EML6: variants seen among roughly 807,000 people sequenced by gnomAD.
EML6 encodes the protein EMAP like 6.
In EML6, 154 loss-of-function variants were observed where a neutral mutation model predicts 240.1. The ratio of observed to expected loss-of-function variants is 0.64; its 90% CI spans 0.56 to 0.73. The LOEUF (loss-of-function observed/expected upper bound fraction) is 0.73. Ranked by LOEUF, EML6 falls within the 30% of genes least tolerant of loss-of-function variation. The pLI is 0.00. For synonymous variants in EML6, 1,148 were observed against 899.0 expected, an observed-to-expected ratio of 1.28 and a Z score of -4.95; for missense variants, 2,964 against 2,474.6, an observed-to-expected ratio of 1.20 and a Z score of -4.20.
At chr2:54,762,766 G>A (rs1020729045) in intron 2 of EML6, among the ~76,000 whole-genome samples, 7 of 152,066 alleles carry the variant, frequency 4.6e-5, no homozygotes, top group African/African-American at 1.7e-4. Flanking sequence ...AGCTGTTCCA[G>A]GTCCATTTTG....
intron 2 of EML6, among the ~76,000 whole-genome samples, chr2:54,776,136 G>T (rs943108578): frequency 2.0e-5 from 3 of 152,034 alleles, no homozygotes; most frequent in African/African-American, 7.2e-5. Context: ...TGTTGTTGTT[G>T]TTGTGTTTTG....
chr2:54,897,882 T>C (rs1023423392), intron 21 of EML6, among the ~76,000 whole-genome samples: 1 of 152,124 alleles, frequency 6.6e-6, no homozygotes, highest in African/African-American at 2.4e-5. Flanking sequence ...AGTCCTGTTC[T>C]GAGAGATGAT....
At chr2:54,961,634 C>T (rs1676520669) in intron 35 of EML6, among the ~76,000 whole-genome samples, 1 of 152,034 alleles carries the variant, frequency 6.6e-6, no homozygotes, top group African/African-American at 2.4e-5. Context: ...AAGCTCTCAC[C>T]TGAGGTAGCT....
intron 28 of EML6, among the ~76,000 whole-genome samples, 198 bp downstream of exon 28, chr2:54,928,949 A>G (rs954589263): frequency 5.3e-5 from 8 of 152,216 alleles, no homozygotes; most frequent in Admixed American, 1.3e-4. Flanking sequence ...AGGGCGGTTT[A>G]TACTTTGTGG....
intron 7 of EML6, among the ~76,000 whole-genome samples, chr2:54,835,247 T>G (rs1004592471): frequency 6.6e-6 from 1 of 152,232 alleles, no homozygotes; most frequent in African/African-American, 2.4e-5. Context: ...GTATAATTTC[T>G]GTGTTATGTT....
At chr2:54,829,808 C>G (rs6545445) in intron 7 of EML6, among the ~76,000 whole-genome samples, 34,496 of 152,014 alleles carry the variant, frequency 0.23, 4,357 homozygotes, top group East Asian at 0.5. Context: ...TGAAAACAAA[C>G]AAATGAGAGG....
At chr2:54,934,452 C>T (rs1341509767) in intron 28 of EML6, among the ~76,000 whole-genome samples, 1 of 152,120 alleles carries the variant, frequency 6.6e-6, no homozygotes, top group African/African-American at 2.4e-5. Context: ...AGGAGACCCA[C>T]ATTTCAGGTC....
In EML6 at chr2:54,803,861, T is replaced by C. The variant is rs141370392; in HGVS notation, c.198-9371T>C. On this transcript the variant is annotated intron_variant, in intron 2 of 41. Coordinates refer to ENST00000356458, the MANE Select transcript of EML6 (RefSeq NM_001039753.4). ...AAATACAGCTGGTCACCTCTCCCTGTGGTGCTGACTCTCCACTCACGGACC... is the reference window on the plus strand; with the variant it reads ...AAATACAGCTGGTCACCTCTCCCTGCGGTGCTGACTCTCCACTCACGGACC... Among the ~76,000 whole-genome samples the C allele has an allele frequency of 6.8e-3, 1,035 of 152,316 alleles. 12 individuals are homozygous for C. Among genetic ancestry groups the C allele is most frequent in the African/African-American group, 0.023 (966 of 41,562 alleles).
chr2:54,903,603 GA>G, intron 24 of EML6, 101 bp downstream of exon 24: 2 of 712,024 alleles, frequency 2.8e-6, no homozygotes, highest in Non-Finnish European at 4.1e-6. Flanking sequence ...TTAGAAATGG[GA>G]AAGGGGAATC....
chr2:54,928,223 C>A (rs918781962), intron 26 of EML6, 90 bp from the exon 27 acceptor site: 3 of 1,018,310 alleles, frequency 2.9e-6, no homozygotes, highest in Non-Finnish European at 4.5e-6. Flanking sequence ...GAACTGTTTC[C>A]TTTGTATCCA....
intron 24 of EML6, among the ~76,000 whole-genome samples, chr2:54,908,288 C>G (rs1315107244): frequency 6.6e-6 from 1 of 150,778 alleles, no homozygotes; most frequent in Non-Finnish European, 1.5e-5. Flanking sequence ...CAGATCACTG[C>G]AATCTGTGCC....
At chr2:54,822,747 T>C (rs1313460082) in intron 5 of EML6, among the ~76,000 whole-genome samples, 1 of 152,194 alleles carries the variant, frequency 6.6e-6, no homozygotes, top group African/African-American at 2.4e-5. Flanking sequence ...TAAGCAGTTA[T>C]CTCTGGGTAA....
chr2:54,968,309 G>A (rs749730632), intron 40 of EML6, 28 bp downstream of exon 40: 2 of 1,551,064 alleles, frequency 1.3e-6, no homozygotes, highest in Middle Eastern at 1.7e-4. Flanking sequence ...TAACCTCCCT[G>A]CAGGTTCTCT....
chr2:54,733,748 A>G (rs1474634574), intron 2 of EML6, among the ~76,000 whole-genome samples: 5 of 152,180 alleles, frequency 3.3e-5, no homozygotes, highest in African/African-American at 1.2e-4. Flanking sequence ...CCAAATTCCC[A>G]GGAAAGAGAA....
rs1279191273 is a variant in EML6 at position 54,968,769 on chromosome 2, G to T, written c.5852+1G>T. Reference sequence around the variant, plus strand: ...TCAGCACTGGAGGAGACGACTGCAGGTACTAACGTAGCTGACCCAGTTCTT... The same window carrying T: ...TCAGCACTGGAGGAGACGACTGCAGTTACTAACGTAGCTGACCCAGTTCTT... On this transcript the variant is annotated splice_donor_variant, in intron 41 of 41. Coordinates refer to ENST00000356458, the MANE Select transcript of EML6 (RefSeq NM_001039753.4). LOFTEE classifies it high-confidence loss of function. The T allele has an allele frequency of 6.7e-7, 1 of 1,495,726 alleles. No homozygotes were observed. The highest frequency in any genetic ancestry group is 9.1e-7 in the Non-Finnish European group (1 of 1,096,046). 92.7% of individuals were successfully genotyped at this position (1,495,726 alleles called of 1,614,324 possible).
chr2:54,928,379 C>G lies in EML6; in HGVS notation c.3742C>G (p.His1248Asp), dbSNP rs1170644096. 1.2e-5 allele frequency: 19 copies of G among 1,551,950 alleles called. No individual in the cohort carries two copies. In the East Asian group the frequency reaches 4.4e-4, roughly 36 times the overall value. The change falls in exon 27 of 42, where the codon CAC becomes GAC. Residue 1248 changes from histidine (H) to aspartate (D), a missense_variant. Physicochemically the swap from His to Asp is moderately conservative, Grantham distance 81. Coordinates refer to ENST00000356458, the MANE Select transcript of EML6 (RefSeq NM_001039753.4). ...SAHVTNVRWL[H>D]NDSVLLTVGG... is the part of the protein sequence containing the mutation. ...ACATGTCACTAACGTGAGGTGGCTG[C>G]ACAATGACTCTGTGCTGCTCACGGT...
rs576235190 is a variant in EML6 at position 54,961,733 on chromosome 2, T to A, written c.4969-790T>A. 4.0e-5 allele frequency among the ~76,000 whole-genome samples: 6 copies of A among 151,698 alleles called. No individual in the cohort carries two copies. In the East Asian group the frequency reaches 1.2e-3, roughly 30 times the overall value. ...AAAACAAAACACTGGCCAGGCATGG[T>A]GGCTCACACCTGTAATCCCAGCACT... On this transcript the variant is annotated intron_variant, in intron 35 of 41. Coordinates refer to ENST00000356458, the MANE Select transcript of EML6 (RefSeq NM_001039753.4).
intron 2 of EML6, among the ~76,000 whole-genome samples, chr2:54,726,226 CAG>C (rs1682901310): frequency 6.6e-6 from 1 of 152,216 alleles, no homozygotes; most frequent in Non-Finnish European, 1.5e-5. Context: ...CTACAACTGA[CAG>C]AGACCATATT....
intron 2 of EML6, among the ~76,000 whole-genome samples, chr2:54,770,803 C>T (rs1224106128): frequency 4.6e-5 from 7 of 152,154 alleles, no homozygotes. Context: ...TCCAGCTTCT[C>T]CCCACTTTCC....
Sources: gnomAD v4.1 joint callset for allele counts (sites outside exome capture counted in the v4.1 genomes callset) on GRCh38, gnomAD v4.1.1 for gene constraint, MANE v1.5 for transcripts, NCBI Gene and HGNC (gene_info 2026-07-23, HGNC 2026-07-21) for gene names.